The following ABLIM2 variants were observed in gnomAD, a reference collection of about 807,000 sequenced individuals.
ABLIM2 encodes actin binding LIM protein family member 2, also known as actin-binding LIM protein 2.
In ABLIM2, 53 loss-of-function variants were observed where a neutral mutation model predicts 97.7. The observed-to-expected ratio is 0.54, with a 90% CI of 0.44 to 0.68. ABLIM2 has a LOEUF of 0.68. Ranked by LOEUF, ABLIM2 falls within the 30% of genes least tolerant of loss-of-function variation. The pLI is 0.00. For missense variants in ABLIM2, 835 were observed against 867.2 expected (o/e 0.96, Z 0.47); for synonymous variants, 361 against 345.8 (o/e 1.04, Z -0.49).
intron 20 of ABLIM2, among the ~76,000 whole-genome samples, chr4:7,976,962 C>T (rs772858089): frequency 6.6e-6 from 1 of 152,064 alleles, no homozygotes; most frequent in South Asian, 2.1e-4. Flanking sequence ...CACACAGTCA[C>T]GTGTATACAC....
chr4:8,026,682 G>A (rs1463765031), intron 12 of ABLIM2, among the ~76,000 whole-genome samples: 1 of 152,256 alleles, frequency 6.6e-6, no homozygotes, highest in African/African-American at 2.4e-5. Context: ...CCAGTCAGCT[G>A]GGCTGTGTCA....
chr4:8,061,345 C>T lies in ABLIM2; in HGVS notation c.676-291G>A, dbSNP rs1297657463. Among the ~76,000 whole-genome samples the T allele has an allele frequency of 1.3e-5, 2 of 152,092 alleles. No individual in the cohort carries two copies. Among genetic ancestry groups the T allele is most frequent in the Admixed American group, 6.5e-5 (1 of 15,278 alleles). On this transcript the variant is annotated intron_variant, in intron 6 of 20. Coordinates refer to ENST00000447017, the MANE Select transcript of ABLIM2 (RefSeq NM_001130083.2). The surrounding 1 kb of genome is among the most constrained non-coding windows in gnomAD (Gnocchi z 4.5). ...CCGGGGTAGTCCAGGAGGGGTCAGCCTCCTTTACCAGGCGGCATCCAGAGA... is the reference window on the plus strand; with the variant it reads ...CCGGGGTAGTCCAGGAGGGGTCAGCTTCCTTTACCAGGCGGCATCCAGAGA...
At position 8,004,198 on chromosome 4, in the gene ABLIM2, C is replaced by T. The variant is rs897809815; in HGVS notation, c.1618+3861G>A. Among the ~76,000 whole-genome samples, 2 of 151,810 alleles carry T rather than the reference C, an allele frequency of 1.3e-5. No individual in the cohort carries two copies. The highest frequency in any genetic ancestry group is 2.4e-5 in the African/African-American group (1 of 41,332). ...GCTCCGAGACCAGGCAGCAGAGAGA[C>T]AAGCAGAGACAAGCACCTCCCACCA... On this transcript the variant is annotated intron_variant, in intron 16 of 20. Transcript: ENST00000447017. The surrounding 1 kb of genome is among the most constrained non-coding windows in gnomAD (Gnocchi z 5.9).
In ABLIM2 at chr4:8,008,136, T is replaced by C. The variant is rs768414560; in HGVS notation, c.1541A>G (p.Asp514Gly). 14 of 1,613,896 alleles carry C rather than the reference T, an allele frequency of 8.7e-6. No homozygotes were observed. In the East Asian group the frequency reaches 2.9e-4, roughly 33 times the overall value. Residue 514 changes from aspartate to glycine, a missense_variant, in exon 16 of 21, where the codon GAC (aspartate) becomes GGC (glycine). Transcript: ENST00000447017. The part of the protein sequence containing the change: ...ADTRTNSPDL[D>G]TQSLSHSSGT... ...GCTGCTGTGGGACAAGGACTGGGTG[T>C]CCAGGTCTGGAGAATTGGTCCTTGT...
rs1307605467 is a variant in ABLIM2 at position 8,147,381 on chromosome 4, T to C, written c.10+11299A>G. On this transcript the variant is annotated intron_variant, in intron 1 of 20. Transcript: ENST00000447017. The surrounding 1 kb of genome is among the most constrained non-coding windows in gnomAD (Gnocchi z 5.3). ...AGACTACCTGTGCCCGGCTGAGTAA[T>C]GCCTCCCCCAGAAGATATCCCCATC... Among the ~76,000 whole-genome samples the C allele has an allele frequency of 3.3e-5, 5 of 152,108 alleles. No individual in the cohort carries two copies. The highest frequency in any genetic ancestry group is 7.4e-5 in the Non-Finnish European group (5 of 68,024).
At position 8,054,743 on chromosome 4, in the gene ABLIM2, G is replaced by C. The variant is rs1273736892; in HGVS notation, c.764-497C>G. 1.3e-5 allele frequency among the ~76,000 whole-genome samples: 2 copies of C among 152,182 alleles called. No individual in the cohort carries two copies. The highest frequency in any genetic ancestry group is 2.4e-5 in the African/African-American group (1 of 41,440). On this transcript the variant is annotated intron_variant, in intron 7 of 20. Transcript: ENST00000447017. The surrounding 1 kb of genome is among the most constrained non-coding windows in gnomAD (Gnocchi z 4.9). ...CTTGCAGGGCAGGGCTCTAAGCTGAGAGGTAGGAAGAGAGAACCTCAGCTG... is the reference window on the plus strand; with the variant it reads ...CTTGCAGGGCAGGGCTCTAAGCTGACAGGTAGGAAGAGAGAACCTCAGCTG...
In ABLIM2 at chr4:8,005,187, C is replaced by T. The variant is rs1333643911; in HGVS notation, c.1618+2872G>A. 2.0e-5 allele frequency: 8 copies of T among 404,408 alleles called. No homozygotes were observed. The highest frequency in any genetic ancestry group is 9.1e-4 in the Middle Eastern group (1 of 1,094). The allele number at this position is 404,408 out of a possible 1,614,324, so 25.1% of individuals were successfully genotyped here. The stretch of plus-strand genomic sequence containing the variant: ...CCGGCGGGCAGGCGGCGGCGGGATG[C>T]GTGTGCGCTCGCTCTGTCGGCGTCT... On this transcript the variant is annotated intron_variant, in intron 16 of 20. Transcript: ENST00000447017. The surrounding 1 kb of genome is among the most constrained non-coding windows in gnomAD (Gnocchi z 4.9).
At chr4:7,973,159 T>A (rs1323056981) in intron 20 of ABLIM2, among the ~76,000 whole-genome samples, 1 of 146,528 alleles carries the variant, frequency 6.8e-6, no homozygotes, top group African/African-American at 2.5e-5. Flanking sequence ...AAGAATAAAG[T>A]GCATGTGCAA....
At position 8,075,092 on chromosome 4, in the gene ABLIM2, C is replaced by A. The variant is rs1471094456; in HGVS notation, c.675+2536G>T. Among the ~76,000 whole-genome samples, 1 of 152,132 alleles carries A rather than the reference C, an allele frequency of 6.6e-6. No homozygotes were observed. The highest frequency in any genetic ancestry group is 6.5e-5 in the Admixed American group (1 of 15,270). ...AGCCACCGCTCCCGGCCCAGCCTGA[C>A]AATTCTGAGAGTCATGATGAAATAT... is the stretch of plus-strand genomic sequence containing the variant. On this transcript the variant is annotated intron_variant, in intron 6 of 20. Coordinates refer to ENST00000447017, the MANE Select transcript of ABLIM2 (RefSeq NM_001130083.2). This position sits in a 1 kb window ranked among gnomAD's most constrained non-coding sequence, Gnocchi z 4.4.
intron 13 of ABLIM2, 64 bp downstream of exon 13, chr4:8,020,138 G>A: frequency 6.8e-7 from 1 of 1,470,862 alleles, no homozygotes; most frequent in Non-Finnish European, 9.3e-7. Flanking sequence ...CAGTTTGGGT[G>A]TGGCCAGTTT....
rs772657238 is a variant in ABLIM2 at position 7,984,842 on chromosome 4, G to C, written c.1732C>G (p.Arg578Gly). The part of the protein sequence containing the change: ...GADPDASWGM[R>G]EYKIYPYDSL... ...ACAGGGTCCCCGCTCTGTGTACCTC[G>C]CATGCCCCAGCTGGCATCCGGGTCT... The change falls in exon 18 of 21, where the codon CGA (arginine) becomes GGA (glycine). Residue 578 changes from arginine (R) to glycine (G), a missense_variant. Arg to Gly is a moderately radical substitution (Grantham distance 125). Transcript: ENST00000447017. 6.2e-7 allele frequency: 1 copy of C among 1,601,096 alleles called. No homozygotes were observed. Among genetic ancestry groups the C allele is most frequent in the East Asian group, 2.2e-5 (1 of 44,468 alleles).
At position 8,125,187 on chromosome 4, in the gene ABLIM2, C is replaced by T. The variant is rs931206404; in HGVS notation, c.11-18550G>A. 3.3e-5 allele frequency among the ~76,000 whole-genome samples: 5 copies of T among 152,136 alleles called. No homozygotes were observed. The highest frequency in any genetic ancestry group is 4.8e-5 in the African/African-American group (2 of 41,446). ...GTGAGTTGTGTTTTCACTTTCCTCA[C>T]GATGTCTTTGGCATCACAGAGGTTT... On this transcript the variant is annotated intron_variant, in intron 1 of 20. Coordinates refer to ENST00000447017, the MANE Select transcript of ABLIM2 (RefSeq NM_001130083.2). This position sits in a 1 kb window ranked among gnomAD's most constrained non-coding sequence, Gnocchi z 6.2.
In ABLIM2 at chr4:7,983,348, T is replaced by C. The variant is rs770347292; in HGVS notation, c.1744-4A>G. On this transcript the variant is annotated splice_polypyrimidine_tract_variant and splice_region_variant and intron_variant, in intron 19 of 20. Transcript: ENST00000447017. ...TGAGGGAGTCATACGGATAGATCTGTTGGGGGAGGAAACCACAGGGTCACC... is the reference window on the plus strand; with the variant it reads ...TGAGGGAGTCATACGGATAGATCTGCTGGGGGAGGAAACCACAGGGTCACC... 123 of 1,610,838 alleles carry C rather than the reference T, an allele frequency of 7.6e-5. No homozygotes were observed. Among genetic ancestry groups the C allele is most frequent in the Non-Finnish European group, 6.2e-5 (73 of 1,178,916 alleles).
chr4:8,039,531 T>G (rs1265375230), intron 9 of ABLIM2, among the ~76,000 whole-genome samples: 2 of 152,202 alleles, frequency 1.3e-5, no homozygotes, highest in Non-Finnish European at 2.9e-5. Flanking sequence ...ACTCTCTAAT[T>G]GGCGGAAGGT....
chr4:8,156,446 A>G (rs1404412667), intron 1 of ABLIM2, among the ~76,000 whole-genome samples: 1 of 152,184 alleles, frequency 6.6e-6, no homozygotes, highest in South Asian at 2.1e-4. Context: ...TGTGCTATAT[A>G]AACAATCGCT....
intron 1 of ABLIM2, among the ~76,000 whole-genome samples, chr4:8,111,926 C>A (rs376900541): frequency 5.5e-3 from 664 of 120,996 alleles, no homozygotes; most frequent in Middle Eastern, 0.013. Context: ...GACTCTGTCT[C>A]AAAAAAAAAA....
intron 7 of ABLIM2, 102 bp downstream of exon 7, chr4:8,060,865 A>G: frequency 9.8e-7 from 1 of 1,021,142 alleles, no homozygotes; most frequent in Non-Finnish European, 1.5e-6. Context: ...TGACCTAGCG[A>G]GATGACACTG....
intron 6 of ABLIM2, among the ~76,000 whole-genome samples, chr4:8,064,587 G>T (rs1805743781): frequency 6.6e-6 from 1 of 152,172 alleles, no homozygotes; most frequent in Non-Finnish European, 1.5e-5. Flanking sequence ...CAGGTATTCT[G>T]TTACATGTCA....
At position 7,970,929 on chromosome 4, in the gene ABLIM2, G is replaced by T. The variant is rs932190538; in HGVS notation, c.1825-3826C>A. Among the ~76,000 whole-genome samples, 1 of 152,042 alleles carries T rather than the reference G, an allele frequency of 6.6e-6. No homozygotes were observed. The highest frequency in any genetic ancestry group is 1.5e-5 in the Non-Finnish European group (1 of 67,984). ...GCCAGGGGTCTAGGGGGCTGACAGG[G>T]ACCACCTCCCCGCAGGCTCCAGTCC... is the stretch of plus-strand genomic sequence containing the variant. On this transcript the variant is annotated intron_variant, in intron 20 of 20. Coordinates refer to ENST00000447017, the MANE Select transcript of ABLIM2 (RefSeq NM_001130083.2). The surrounding 1 kb of genome is among the most constrained non-coding windows in gnomAD (Gnocchi z 5.3).
Sources: gnomAD v4.1 joint callset for allele counts (sites outside exome capture counted in the v4.1 genomes callset) on GRCh38, gnomAD v4.1.1 for gene constraint, Gnocchi (gnomAD v3.1) non-coding constraint, MANE v1.5 for transcripts, NCBI Gene and HGNC (gene_info 2026-07-23, HGNC 2026-07-21) for gene names.